The following SMURF2 variants were observed in gnomAD, a reference collection of about 807,000 sequenced individuals.
The protein encoded by SMURF2 is E3 ubiquitin-protein ligase SMURF2.
A neutral mutation model predicts 109.6 loss-of-function variants in SMURF2; 48 were observed. That is an observed-to-expected ratio of 0.44 (90% confidence interval 0.35 to 0.56). The LOEUF is 0.56. SMURF2 is among the 20% of genes least tolerant of loss of function. SMURF2 has a pLI of 0.01. For missense variants in SMURF2, 575 were observed against 909.0 expected (o/e 0.63, Z 4.72); for synonymous variants, 288 against 317.1 (o/e 0.91, Z 0.97).
intron 1 of SMURF2, among the ~76,000 whole-genome samples, chr17:64,628,240 C>T (rs1970293454): frequency 6.6e-6 from 1 of 152,108 alleles, no homozygotes; most frequent in African/African-American, 2.4e-5. Context: ...TGGGTCTATT[C>T]TGTGTATGTT....
intron 3 of SMURF2, among the ~76,000 whole-genome samples, chr17:64,594,510 A>G (rs1568187755): frequency 6.6e-6 from 1 of 152,166 alleles, no homozygotes. Context: ...AATTAAGCCA[A>G]TTTGAATTTG....
chr17:64,597,228 A>G (rs781846800), intron 3 of SMURF2, among the ~76,000 whole-genome samples: 1 of 151,770 alleles, frequency 6.6e-6, no homozygotes, highest in Non-Finnish European at 1.5e-5. Flanking sequence ...ATATAGCAAG[A>G]CCCCATCTCT....
intron 1 of SMURF2, among the ~76,000 whole-genome samples, chr17:64,658,639 T>C (rs770198857): frequency 2.9e-4 from 44 of 152,328 alleles, no homozygotes; most frequent in South Asian, 1.4e-3. Context: ...AGTAATCTTA[T>C]TCTGCTTCTC....
chr17:64,627,407 C>T (rs1367931279), intron 1 of SMURF2, among the ~76,000 whole-genome samples: 1 of 152,192 alleles, frequency 6.6e-6, no homozygotes, highest in Non-Finnish European at 1.5e-5. Flanking sequence ...TTAGCCACTG[C>T]ATCTGGCCTT....
Position 64,554,965 on chromosome 17 carries a change from G to A in SMURF2, c.1639C>T (p.His547Tyr), listed in dbSNP as rs373923799. 5.0e-6 allele frequency: 8 copies of A among 1,613,236 alleles called. No individual in the cohort carries two copies. The highest frequency in any genetic ancestry group is 1.3e-5 in the African/African-American group (1 of 74,828). ...GCATTATGTTCAACACAGAAGGTAT[G>A]GTCCAAAACACCTGTAATATCATTC... ...LENDITGVLD[H>Y]TFCVEHNAYG... The change falls in exon 15 of 19, where the codon CAT becomes TAT. Residue 547 changes from histidine to tyrosine, a missense_variant. Physicochemically the swap from His to Tyr is moderately conservative, Grantham distance 83. This residue lies in a region of SMURF2 where 361 missense variants were observed against 612.1 expected (regional missense o/e 0.59). Transcript: ENST00000262435.
intron 5 of SMURF2, among the ~76,000 whole-genome samples, chr17:64,588,268 G>T (rs1242484674): frequency 6.6e-6 from 1 of 151,746 alleles, no homozygotes; most frequent in African/African-American, 2.4e-5. Context: ...ATGTAGCTGG[G>T]GCATAACAGT....
chr17:64,634,571 T>C (rs1357539493), intron 1 of SMURF2, among the ~76,000 whole-genome samples: 1 of 152,168 alleles, frequency 6.6e-6, no homozygotes, highest in Non-Finnish European at 1.5e-5. Context: ...TCTGTAGATA[T>C]TTTATATTCC....
intron 3 of SMURF2, among the ~76,000 whole-genome samples, chr17:64,597,763 A>G (rs1334236102): frequency 7.0e-6 from 1 of 143,062 alleles, no homozygotes; most frequent in Non-Finnish European, 1.5e-5. Flanking sequence ...ACAGAGCAAG[A>G]CTGTCTCAAA....
intron 1 of SMURF2, among the ~76,000 whole-genome samples, chr17:64,638,042 GTTTTTTTTTTTTCCTTTTTCTTTT>G (rs1970444023): frequency 8.1e-6 from 1 of 123,766 alleles, no homozygotes. Context: ...TTTCCCATGA[GTTTTTTTTTTTTCCTTTTTCTTTT>G]TTTTTTTTTT....
chr17:64,640,268 TAGAC>T (rs1970477339), intron 1 of SMURF2, among the ~76,000 whole-genome samples: 1 of 152,186 alleles, frequency 6.6e-6, no homozygotes, highest in Non-Finnish European at 1.5e-5. Flanking sequence ...GAGACTACTT[TAGAC>T]AGACTACTTA....
intron 1 of SMURF2, among the ~76,000 whole-genome samples, chr17:64,616,768 T>G (rs1421505007): frequency 2.0e-5 from 3 of 151,910 alleles, no homozygotes; most frequent in African/African-American, 7.3e-5. Context: ...TAGTACTTCC[T>G]TTTAAAGAAT....
At chr17:64,641,896 T>C (rs1365647372) in intron 1 of SMURF2, among the ~76,000 whole-genome samples, 1 of 152,156 alleles carries the variant, frequency 6.6e-6, no homozygotes, top group Non-Finnish European at 1.5e-5. Context: ...AACCTCCACC[T>C]CCTGGATTCA....
intron 1 of SMURF2, among the ~76,000 whole-genome samples, chr17:64,640,130 A>G (rs1020232376): frequency 2.6e-5 from 4 of 152,188 alleles, no homozygotes; most frequent in African/African-American, 9.6e-5. Flanking sequence ...TATACATCTA[A>G]AAGTATTCTA....
intron 10 of SMURF2, among the ~76,000 whole-genome samples, 177 bp downstream of exon 10, chr17:64,571,621 A>G (rs1387801070): frequency 6.6e-6 from 1 of 152,012 alleles, no homozygotes; most frequent in African/African-American, 2.4e-5. Flanking sequence ...GTCTCACTAT[A>G]TTGACCAGGC....
chr17:64,632,672 T>C lies in SMURF2; in HGVS notation c.53-26032A>G, dbSNP rs1970367064. Among the ~76,000 whole-genome samples the C allele has an allele frequency of 1.3e-5, 2 of 152,228 alleles. 1 individual carries two copies. The highest frequency in any genetic ancestry group is 4.8e-5 in the African/African-American group (2 of 41,462). ...TGAGACAAGTCTTGGGGAAAAAAAC[T>C]GTTCAAAGGCCTCCAGACTTCTGTC... On this transcript the variant is annotated intron_variant, in intron 1 of 18. Transcript: ENST00000262435.
chr17:64,564,772 C>A (rs782015402), intron 10 of SMURF2, among the ~76,000 whole-genome samples: 43 of 152,176 alleles, frequency 2.8e-4, no homozygotes, highest in South Asian at 8.3e-4. Flanking sequence ...AACTCATTAT[C>A]ACTTACTATA....
intron 1 of SMURF2, among the ~76,000 whole-genome samples, chr17:64,655,945 TA>T (rs1223311359): frequency 4.0e-5 from 6 of 151,240 alleles, no homozygotes; most frequent in African/African-American, 9.7e-5. Flanking sequence ...AAAGCTACAA[TA>T]AAAAAAACAG....
rs570471917 is a variant in SMURF2, at chr17:64,632,659, TG to T, written c.53-26020del. 3.7e-4 allele frequency among the ~76,000 whole-genome samples: 57 copies of T among 152,274 alleles called. 1 individual carries two copies. In the South Asian group the frequency reaches 9.5e-3, roughly 25 times the overall value. On this transcript the variant is annotated intron_variant, in intron 1 of 18. Transcript: ENST00000262435. ...CTGAAGGGGAAAATGAGACAAGTCT[TG>T]GGGAAAAAAACTGTTCAAAGGCCTC...
At chr17:64,552,323 T>C (rs1555683692) in intron 15 of SMURF2, among the ~76,000 whole-genome samples, 1 of 152,184 alleles carries the variant, frequency 6.6e-6, no homozygotes, top group Non-Finnish European at 1.5e-5. Context: ...GAATGTACGA[T>C]TTATAAGTGA....
Sources: allele counts gnomAD v4.1 joint callset (sites outside exome capture counted in the v4.1 genomes callset), GRCh38; gene constraint gnomAD v4.1.1; regional missense constraint gnomAD v4.1.1; transcripts MANE v1.5; gene names NCBI Gene and HGNC (gene_info 2026-07-23, HGNC 2026-07-21).